Variants in LRRN2 observed in about 807,000 individuals in gnomAD.
LRRN2 encodes leucine rich repeat neuronal 2.
In LRRN2, 10 loss-of-function variants were observed where a neutral mutation model predicts 35.7. The ratio of observed to expected loss-of-function variants is 0.28; its 90% confidence interval spans 0.17 to 0.47. The LOEUF (loss-of-function observed/expected upper bound fraction) is 0.47. Ranked by LOEUF, LRRN2 falls within the 20% of genes least tolerant of loss-of-function variation. LRRN2 has a pLI of 0.99. For missense variants in LRRN2, 731 were observed against 940.3 expected (o/e 0.78, Z 2.91); for synonymous variants, 391 against 409.6 (o/e 0.95, Z 0.55).
At chr1:204,668,681 C>T (rs1668640696) in intron 1 of LRRN2, among the ~76,000 whole-genome samples, 1 of 152,208 alleles carries the variant, frequency 6.6e-6, no homozygotes, top group African/African-American at 2.4e-5. Context: ...CAAGCCACCA[C>T]TCCTCTCTGG....
At chr1:204,679,625 TG>T (rs1668896929) in intron 1 of LRRN2, among the ~76,000 whole-genome samples, 1 of 152,208 alleles carries the variant, frequency 6.6e-6, no homozygotes, top group Admixed American at 6.5e-5. Context: ...GAGTCTGCCT[TG>T]TTAGAGCTAT....
chr1:204,618,070 G>A lies in LRRN2; in HGVS notation c.1923C>T (p.Leu641=), dbSNP rs536514083. Residue 641 remains leucine, a synonymous_variant, in exon 2 of 2, where the codon CTC becomes CTT. Transcript: ENST00000367177. ...LIAILALAVL[L]LAAGLAAHLG... is the part of the protein sequence containing the mutation. ...GGTGGGCCGCTAGCCCAGCTGCCAGGAGAAGGACAGCGAGAGCCAGGATGG... is the reference window on the plus strand; with the variant it reads ...GGTGGGCCGCTAGCCCAGCTGCCAGAAGAAGGACAGCGAGAGCCAGGATGG... 6.2e-7 allele frequency: 1 copy of A among 1,613,938 alleles called. No homozygotes were observed. The highest frequency in any genetic ancestry group is 1.7e-5 in the Admixed American group (1 of 60,022).
At chr1:204,637,728 C>G (rs1488523197) in intron 1 of LRRN2, among the ~76,000 whole-genome samples, 1 of 150,004 alleles carries the variant, frequency 6.7e-6, no homozygotes, top group Non-Finnish European at 1.5e-5. Flanking sequence ...GTAGAGAGGA[C>G]TCCTCTGCGG....
rs191446063 is a variant in LRRN2 at position 204,670,954 on chromosome 1, G to A, written c.-227+14366C>T. Among the ~76,000 whole-genome samples, 229 of 152,248 alleles carry A rather than the reference G, an allele frequency of 1.5e-3. 5 individuals are homozygous for A. The highest frequency in any genetic ancestry group is 0.012 in the Admixed American group (183 of 15,300). On this transcript the variant is annotated intron_variant, in intron 1 of 1. Coordinates refer to ENST00000367177, the MANE Select transcript of LRRN2 (RefSeq NM_201630.2). The stretch of plus-strand genomic sequence containing the variant: ...CAGTGTGGTGGCAGCAAGTGGAGTC[G>A]GGCTTCAGGAAGGTTTTTGTTGTTG...
In LRRN2 at chr1:204,654,386, C is replaced by T. The variant is rs539634676; in HGVS notation, c.-227+30934G>A. On this transcript the variant is annotated intron_variant, in intron 1 of 1. Transcript: ENST00000367177. Reference sequence around the variant, plus strand: ...TGAAAATCAGAAGGCTTGGGTTTGTCCCAACGGTGGCCTATTTATTAGCTG... The same window carrying T: ...TGAAAATCAGAAGGCTTGGGTTTGTTCCAACGGTGGCCTATTTATTAGCTG... Among the ~76,000 whole-genome samples, 16 of 152,304 alleles carry T rather than the reference C, an allele frequency of 1.1e-4. No individual in the cohort carries two copies. In the South Asian group the frequency reaches 3.1e-3, roughly 30 times the overall value.
chr1:204,633,283 C>G (rs935602477), intron 1 of LRRN2: 11 of 152,224 alleles, frequency 7.2e-5, no homozygotes, highest in Non-Finnish European at 1.3e-4. Flanking sequence ...ATGAATTACC[C>G]ATTCTGTGGT....
chr1:204,625,402 TTAATAC>T (rs1318470075), intron 1 of LRRN2, among the ~76,000 whole-genome samples: 4 of 152,212 alleles, frequency 2.6e-5, no homozygotes, highest in South Asian at 2.1e-4. Context: ...GCCATGAATT[TTAATAC>T]TAATACTAAT....
rs1343392340 is a variant in LRRN2, at chr1:204,618,483, C to T, written c.1510G>A (p.Gly504Arg). The change falls in exon 2 of 2, where the codon GGG (glycine) becomes AGG (arginine). Residue 504 changes from glycine (G) to arginine (R), a missense_variant. Transcript: ENST00000367177. ...ACACTAACCGTCTTAGTGTCAGCCCCCACCAGGTTCTGGGCCACACAGGTG... is the reference window on the plus strand; with the variant it reads ...ACACTAACCGTCTTAGTGTCAGCCCTCACCAGGTTCTGGGCCACACAGGTG... Reference protein sequence around the residue: ...LYTCVAQNLVGADTKTVSVVV... With the variant: ...LYTCVAQNLVRADTKTVSVVV... 1.2e-6 allele frequency: 2 copies of T among 1,614,256 alleles called. No individual in the cohort carries two copies. The highest frequency in any genetic ancestry group is 1.3e-5 in the African/African-American group (1 of 75,066).
At chr1:204,660,860 G>A (rs1469320897) in intron 1 of LRRN2, among the ~76,000 whole-genome samples, 1 of 152,130 alleles carries the variant, frequency 6.6e-6, no homozygotes, top group African/African-American at 2.4e-5. Flanking sequence ...GGACTCTCTG[G>A]CAAGCCATAT....
intron 1 of LRRN2, among the ~76,000 whole-genome samples, chr1:204,667,318 G>A (rs1482660014): frequency 6.6e-6 from 1 of 152,144 alleles, no homozygotes; most frequent in Non-Finnish European, 1.5e-5. Flanking sequence ...TGGATGAAGG[G>A]TACTGTGGAC....
intron 1 of LRRN2, among the ~76,000 whole-genome samples, chr1:204,649,148 C>T (rs1165126974): frequency 6.6e-6 from 1 of 152,214 alleles, no homozygotes; most frequent in Non-Finnish European, 1.5e-5. Context: ...CCAGTGGCGG[C>T]GACTCAAAGA....
intron 1 of LRRN2, among the ~76,000 whole-genome samples, chr1:204,636,996 A>G (rs1667850173): frequency 6.6e-6 from 1 of 152,218 alleles, no homozygotes; most frequent in Non-Finnish European, 1.5e-5. Flanking sequence ...AAATGCACCA[A>G]AATTAAGATG....
At chr1:204,642,037 G>A (rs923459099) in intron 1 of LRRN2, among the ~76,000 whole-genome samples, 1 of 152,160 alleles carries the variant, frequency 6.6e-6, no homozygotes, top group Admixed American at 6.5e-5. Flanking sequence ...GCAGGCAGAG[G>A]GTGCAGTGGC....
rs144279733 is a variant in LRRN2 at position 204,652,123 on chromosome 1, G to A, written c.-226-31905C>T. 2.1e-3 allele frequency among the ~76,000 whole-genome samples: 325 copies of A among 152,376 alleles called. 3 individuals carry two copies. Among genetic ancestry groups the A allele is most frequent in the African/African-American group, 6.9e-3 (285 of 41,598 alleles). The stretch of plus-strand genomic sequence containing the variant: ...CTGGGAAGCAGAGAAGACAAAGGTT[G>A]CGGATGGCTTCACACCCTGTCAAAA... On this transcript the variant is annotated intron_variant, in intron 1 of 1. Coordinates refer to ENST00000367177, the MANE Select transcript of LRRN2 (RefSeq NM_201630.2).
chr1:204,657,970 CTTTTT>C (rs56792483), intron 1 of LRRN2, among the ~76,000 whole-genome samples: 1 of 75,254 alleles, frequency 1.3e-5, no homozygotes, highest in Non-Finnish European at 2.4e-5. Flanking sequence ...GCCAATGGTT[CTTTTT>C]TTTTTTTTTT....
At chr1:204,664,807 T>C (rs1446316391) in intron 1 of LRRN2, among the ~76,000 whole-genome samples, 1 of 152,198 alleles carries the variant, frequency 6.6e-6, no homozygotes. Context: ...TGCGTCTGCC[T>C]TGTGCCCATT....
At chr1:204,647,697 T>G (rs1668140040) in intron 1 of LRRN2, among the ~76,000 whole-genome samples, 1 of 152,194 alleles carries the variant, frequency 6.6e-6, no homozygotes, top group Non-Finnish European at 1.5e-5. Context: ...CTGATTTTTA[T>G]GCGGAGTCAC....
At chr1:204,652,234 C>G in intron 1 of LRRN2, among the ~76,000 whole-genome samples, 1 of 145,330 alleles carries the variant, frequency 6.9e-6, no homozygotes, top group Non-Finnish European at 1.5e-5. Flanking sequence ...CCCCTCCTCT[C>G]TCCCCTTCGC....
At chr1:204,620,286 G>T (rs878873281) in intron 1 of LRRN2, 68 bp from the exon 2 acceptor site, 44 of 1,154,438 alleles carry the variant, frequency 3.8e-5, no homozygotes, top group Non-Finnish European at 5.1e-5. Flanking sequence ...TCCCGTGTTT[G>T]TTTGTTTGAG....
Sources: allele counts gnomAD v4.1 joint callset (sites outside exome capture counted in the v4.1 genomes callset), GRCh38; gene constraint gnomAD v4.1.1; transcripts MANE v1.5; gene names NCBI Gene and HGNC (gene_info 2026-07-23, HGNC 2026-07-21).